TIAM1: variants seen among roughly 807,000 people sequenced by gnomAD.
The protein encoded by TIAM1 is rho guanine nucleotide exchange factor TIAM1.
Under a neutral mutation model 163.5 loss-of-function variants are expected in TIAM1, and 65 were observed. The ratio of observed to expected loss-of-function variants is 0.40; its 90% CI spans 0.33 to 0.49. The LOEUF is 0.49. Among genes scored for constraint, TIAM1 ranks in the 20% least tolerant of loss-of-function variants. The probability of loss-of-function intolerance (pLI) is 0.77; values close to 1 mark genes in which losing one functional copy is unlikely to be tolerated. For missense variants in TIAM1, 1,789 were observed against 2,044.7 expected (o/e 0.87, Z 2.41); for synonymous variants, 833 against 810.1 (o/e 1.03, Z -0.48).
In TIAM1 at chr21:31,493,129, A is replaced by G. The variant is rs561887812; in HGVS notation, c.-421-29094T>C. Among the ~76,000 whole-genome samples the G allele has an allele frequency of 3.3e-5, 5 of 152,320 alleles. No individual in the cohort carries two copies. The East Asian group carries it at 5.8e-4, about 18-fold the overall frequency. Reference sequence around the variant, plus strand: ...TCAATCCTGCGTAATCTGAGGGCCAACTACATTCCAGGTACCATGCAGGCT... The same window carrying G: ...TCAATCCTGCGTAATCTGAGGGCCAGCTACATTCCAGGTACCATGCAGGCT... On this transcript the variant is annotated intron_variant, in intron 1 of 28. Transcript: ENST00000286827.
chr21:31,341,420 A>G (rs1360082283), intron 1 of TIAM1, among the ~76,000 whole-genome samples: 1 of 152,168 alleles, frequency 6.6e-6, no homozygotes, highest in Non-Finnish European at 1.5e-5. Context: ...AAATGCTCAG[A>G]CTCATGCATT....
At chr21:31,265,372 A>G (rs886170168) in intron 4 of TIAM1, among the ~76,000 whole-genome samples, 23 of 152,026 alleles carry the variant, frequency 1.5e-4, no homozygotes, top group African/African-American at 4.8e-4. Context: ...GGTTTGCCCA[A>G]GGTCAAACAA....
chr21:31,272,140 C>T (rs1449365563), intron 3 of TIAM1, among the ~76,000 whole-genome samples: 2 of 152,160 alleles, frequency 1.3e-5, no homozygotes, highest in African/African-American at 4.8e-5. Flanking sequence ...TACAGCTGAG[C>T]AAAATCATCT....
intron 2 of TIAM1, among the ~76,000 whole-genome samples, chr21:31,446,355 C>A (rs2147313365): frequency 6.6e-6 from 1 of 152,324 alleles, no homozygotes; most frequent in South Asian, 2.1e-4. Flanking sequence ...CTGGCTACAT[C>A]ATGCCTCATG....
chr21:31,477,087 G>A (rs990268844), intron 1 of TIAM1, among the ~76,000 whole-genome samples: 4 of 152,144 alleles, frequency 2.6e-5, no homozygotes, highest in African/African-American at 7.2e-5. Flanking sequence ...TATTTCCTGC[G>A]CTTACGACTT....
intron 2 of TIAM1, among the ~76,000 whole-genome samples, chr21:31,426,780 A>G (rs2147269962): frequency 6.6e-6 from 1 of 152,310 alleles, no homozygotes; most frequent in East Asian, 1.9e-4. Context: ...TCAGAACAGC[A>G]AGAAAAAGCA....
intron 2 of TIAM1, among the ~76,000 whole-genome samples, chr21:31,413,872 T>C (rs1404148210): frequency 6.6e-6 from 1 of 152,048 alleles, no homozygotes; most frequent in Non-Finnish European, 1.5e-5. Context: ...AAGCTGTGAG[T>C]GTGACTCAGC....
At chr21:31,410,779 C>G (rs940576067) in intron 2 of TIAM1, among the ~76,000 whole-genome samples, 3 of 151,974 alleles carry the variant, frequency 2.0e-5, no homozygotes, top group African/African-American at 7.3e-5. Context: ...GAGAGACCAA[C>G]AGAGACAGAA....
rs575089573 is a variant in TIAM1 at position 31,535,109 on chromosome 21, G to A, written c.-422+23818C>T. Among the ~76,000 whole-genome samples the A allele has an allele frequency of 1.3e-4, 20 of 149,298 alleles. 2 individuals are homozygous for A. In the South Asian group the frequency reaches 3.8e-3, roughly 28 times the overall value. On this transcript the variant is annotated intron_variant, in intron 1 of 28. Coordinates refer to the TIAM1 transcript ENST00000286827. ...TGTCTCAAAAAAAAAAAGGCTGAGCGCAGTGGCTCACGCCTGTAATCCCAG... is the reference window on the plus strand; with the variant it reads ...TGTCTCAAAAAAAAAAAGGCTGAGCACAGTGGCTCACGCCTGTAATCCCAG...
chr21:31,196,943 A>T (rs931004508), intron 12 of TIAM1, among the ~76,000 whole-genome samples: 3 of 152,220 alleles, frequency 2.0e-5, no homozygotes, highest in African/African-American at 7.2e-5. Context: ...TCTTTACAGC[A>T]ACATGGATGC....
At chr21:31,214,082 T>C (rs1177873586) in intron 9 of TIAM1, among the ~76,000 whole-genome samples, 2 of 151,766 alleles carry the variant, frequency 1.3e-5, no homozygotes, top group Admixed American at 6.6e-5. Context: ...CCTAGTACTT[T>C]GGGAGGCTGA....
At chr21:31,361,582 A>G (rs2076407134) in intron 2 of TIAM1, among the ~76,000 whole-genome samples, 1 of 152,210 alleles carries the variant, frequency 6.6e-6, no homozygotes, top group African/African-American at 2.4e-5. Context: ...CACATAAACT[A>G]TCCTGTAGAC....
intron 2 of TIAM1, among the ~76,000 whole-genome samples, chr21:31,362,765 C>T (rs2076429297): frequency 6.6e-6 from 1 of 152,028 alleles, no homozygotes; most frequent in African/African-American, 2.4e-5. Flanking sequence ...CTGTGCTCAG[C>T]CAACAATTAT....
intron 2 of TIAM1, chr21:31,452,464 C>A (rs1420388748): frequency 4.0e-6 from 2 of 503,356 alleles, no homozygotes; most frequent in Non-Finnish European, 7.3e-6. Flanking sequence ...GTTATAAGCG[C>A]CATGGCTATG....
chr21:31,378,304 C>T (rs2076723576), intron 2 of TIAM1, among the ~76,000 whole-genome samples: 1 of 152,034 alleles, frequency 6.6e-6, no homozygotes, highest in Non-Finnish European at 1.5e-5. Context: ...AGCCAGGAGG[C>T]ACCTTATGTC....
intron 2 of TIAM1, among the ~76,000 whole-genome samples, chr21:31,307,414 C>A (rs535503068): frequency 1.3e-5 from 2 of 152,200 alleles, no homozygotes; most frequent in East Asian, 3.9e-4. Context: ...ATCCAAGAGT[C>A]CCAGGACACC....
chr21:31,173,686 G>C (rs1007582019), intron 15 of TIAM1, among the ~76,000 whole-genome samples: 3 of 152,202 alleles, frequency 2.0e-5, no homozygotes, highest in African/African-American at 7.2e-5. Flanking sequence ...CATTAAAACT[G>C]TAGATTTAAA....
chr21:31,555,051 C>G (rs578173793), intron 1 of TIAM1, among the ~76,000 whole-genome samples: 2 of 152,134 alleles, frequency 1.3e-5, no homozygotes, highest in African/African-American at 2.4e-5. Flanking sequence ...ATCGTGTACC[C>G]TTTTACACTA....
At chr21:31,316,294 T>C (rs1207449003) in intron 2 of TIAM1, among the ~76,000 whole-genome samples, 2 of 152,130 alleles carry the variant, frequency 1.3e-5, no homozygotes, top group Non-Finnish European at 2.9e-5. Flanking sequence ...AGGATGAGTT[T>C]AAACCAAAAA....
Sources: allele counts gnomAD v4.1 joint callset (sites outside exome capture counted in the v4.1 genomes callset), GRCh38; gene constraint gnomAD v4.1.1; transcripts MANE v1.5; gene names NCBI Gene and HGNC (gene_info 2026-07-23, HGNC 2026-07-21).